IDO2: variants seen among roughly 807,000 people sequenced by gnomAD.
IDO2 encodes indoleamine 2,3-dioxygenase 2.
Under a neutral mutation model 45.1 loss-of-function variants are expected in IDO2, and 46 were observed. The observed-to-expected ratio is 1.02, with a 90% CI of 0.80 to 1.30. IDO2 has a LOEUF of 1.30. Ranked by LOEUF, IDO2 falls within the 50% of genes most tolerant of loss-of-function variation. IDO2 has a pLI of 0.00. For synonymous variants in IDO2, 218 were observed against 184.9 expected, an observed-to-expected ratio of 1.18 and a Z score of -1.45; for missense variants, 544 against 491.8, an observed-to-expected ratio of 1.11 and a Z score of -1.00.
chr8:39,961,033 T>C (rs1463922630), intron 2 of IDO2, among the ~76,000 whole-genome samples: 1 of 152,340 alleles, frequency 6.6e-6, no homozygotes, highest in Middle Eastern at 3.4e-3. Flanking sequence ...TCTGCCTGCA[T>C]TGGCCTCCCA....
intron 8 of IDO2, among the ~76,000 whole-genome samples, chr8:39,994,616 A>G (rs1321702182): frequency 4.0e-5 from 6 of 151,540 alleles, no homozygotes; most frequent in Non-Finnish European, 7.4e-5. Flanking sequence ...ATTAGCCCAA[A>G]TATGCCCCAG....
chr8:39,940,516 T>G (rs1235682379), intron 1 of IDO2, among the ~76,000 whole-genome samples: 2 of 152,156 alleles, frequency 1.3e-5, no homozygotes, highest in Non-Finnish European at 2.9e-5. Flanking sequence ...AGAAAACAAT[T>G]CTGAAGAAAT....
intron 8 of IDO2, among the ~76,000 whole-genome samples, chr8:39,995,816 A>G (rs1585416053): frequency 2.2e-5 from 1 of 45,664 alleles, no homozygotes; most frequent in Non-Finnish European, 6.1e-5. Flanking sequence ...AAGTGACCAG[A>G]AGAGTGTGAG....
At chr8:39,942,638 TA>T (rs1807661488) in intron 1 of IDO2, among the ~76,000 whole-genome samples, 1 of 151,954 alleles carries the variant, frequency 6.6e-6, no homozygotes, top group Non-Finnish European at 1.5e-5. Context: ...AGACTCTGTA[TA>T]ACAAACAAAC....
At chr8:40,002,159 A>G (rs1168518951) in intron 8 of IDO2, among the ~76,000 whole-genome samples, 1 of 152,132 alleles carries the variant, frequency 6.6e-6, no homozygotes, top group Non-Finnish European at 1.5e-5. Context: ...TTCACATATA[A>G]TTACTACTTG....
At chr8:39,985,437 G>T (rs1808409005) in intron 5 of IDO2, 71 bp from the exon 6 acceptor site, 1 of 1,336,270 alleles carries the variant, frequency 7.5e-7, no homozygotes, top group Non-Finnish European at 1.0e-6. Flanking sequence ...TAATATATCT[G>T]GTTTACAAAC....
chr8:40,010,845 T>C (rs1802299820), intron 9 of IDO2, among the ~76,000 whole-genome samples: 1 of 152,152 alleles, frequency 6.6e-6, no homozygotes, highest in Non-Finnish European at 1.5e-5. Flanking sequence ...GGGTCTGGAA[T>C]ATAGGGGAGT....
At chr8:39,958,874 G>A (rs369889384) in intron 2 of IDO2, among the ~76,000 whole-genome samples, 5 of 152,156 alleles carry the variant, frequency 3.3e-5, no homozygotes, top group African/African-American at 1.2e-4. Context: ...ATAAAATACA[G>A]TTTTACAAAT....
intron 2 of IDO2, among the ~76,000 whole-genome samples, chr8:39,954,639 GTCTC>G (rs1263437227): frequency 7.1e-6 from 1 of 140,104 alleles, no homozygotes; most frequent in African/African-American, 2.7e-5. Context: ...AATTCCCTAT[GTCTC>G]TCTCTCTTTT....
chr8:39,941,300 T>C (rs1404510549), intron 1 of IDO2, among the ~76,000 whole-genome samples: 1 of 147,566 alleles, frequency 6.8e-6, no homozygotes, highest in Admixed American at 6.9e-5. Context: ...TTTTTAAAAA[T>C]GAGAAGTAGA....
At chr8:39,966,388 T>C (rs1045905963) in intron 3 of IDO2, among the ~76,000 whole-genome samples, 14 of 152,164 alleles carry the variant, frequency 9.2e-5, no homozygotes, top group African/African-American at 3.4e-4. Flanking sequence ...TTTTAGACTT[T>C]ACCACCAAAG....
intron 1 of IDO2, among the ~76,000 whole-genome samples, chr8:39,939,677 ATGTCACGAAAATAAAAGAGTT>A (rs1807614837): frequency 6.8e-6 from 1 of 147,636 alleles, no homozygotes; most frequent in Non-Finnish European, 1.5e-5. Flanking sequence ...GTCATGGAAA[ATGTCACGAAAATAAAAGAGTT>A]AAAAAAAAAA....
intron 3 of IDO2, among the ~76,000 whole-genome samples, chr8:39,973,322 C>T (rs1808208700): frequency 6.6e-6 from 1 of 151,998 alleles, no homozygotes; most frequent in South Asian, 2.1e-4. Context: ...CACATGCTTC[C>T]TAGATCTATC....
intron 8 of IDO2, among the ~76,000 whole-genome samples, chr8:40,000,163 C>G (rs1342968214): frequency 6.6e-6 from 1 of 152,044 alleles, no homozygotes; most frequent in Non-Finnish European, 1.5e-5. Context: ...CCTGTAATCC[C>G]AGCACTCTGG....
intron 8 of IDO2, among the ~76,000 whole-genome samples, chr8:39,997,591 T>A (rs954788831): frequency 6.6e-6 from 1 of 152,050 alleles, no homozygotes; most frequent in Admixed American, 6.6e-5. Flanking sequence ...AGGATGCACC[T>A]CAAGGCTGCA....
chr8:39,938,498 C>A (rs770393918), intron 1 of IDO2, among the ~76,000 whole-genome samples: 1 of 151,696 alleles, frequency 6.6e-6, no homozygotes. Context: ...TTAGAGATAA[C>A]ATAAGAGAAA....
intron 3 of IDO2, among the ~76,000 whole-genome samples, chr8:39,975,170 T>A (rs12216715): frequency 2.4e-3 from 50 of 20,562 alleles, no homozygotes; most frequent in African/African-American, 5.4e-3. Context: ...TTTTTTTTTT[T>A]GTTTTTTTTT....
At chr8:39,998,483 C>T (rs1181677729) in intron 8 of IDO2, 1 of 152,178 alleles carries the variant, frequency 6.6e-6, no homozygotes, top group African/African-American at 2.4e-5. Context: ...ATACAGCAGT[C>T]CCCATTCATC....
intron 8 of IDO2, among the ~76,000 whole-genome samples, chr8:40,002,323 T>A (rs1201405384): frequency 6.6e-6 from 1 of 152,170 alleles, no homozygotes. Context: ...TGTTTCATTA[T>A]CTGTCTTTTC....
Sources: allele counts gnomAD v4.1 joint callset (sites outside exome capture counted in the v4.1 genomes callset), GRCh38; gene constraint gnomAD v4.1.1; transcripts MANE v1.5; gene names NCBI Gene and HGNC (gene_info 2026-07-23, HGNC 2026-07-21).